The following CBLB variants were observed in gnomAD, a reference collection of about 807,000 sequenced individuals.
The protein encoded by CBLB is E3 ubiquitin-protein ligase CBL-B.
A neutral mutation model predicts 104.9 loss-of-function variants in CBLB; 31 were observed. That is an observed-to-expected ratio of 0.30 (90% confidence interval 0.22 to 0.40). The LOEUF (loss-of-function observed/expected upper bound fraction) is 0.40. Among genes scored for constraint, CBLB ranks in the 10% least tolerant of loss-of-function variants. The pLI is 1.00. For synonymous variants in CBLB, 440 were observed against 422.6 expected, an observed-to-expected ratio of 1.04 and a Z score of -0.51; for missense variants, 1,062 against 1,214.6, an observed-to-expected ratio of 0.87 and a Z score of 1.87.
At chr3:105,830,881 T>A (rs1388415096) in intron 3 of CBLB, among the ~76,000 whole-genome samples, 1 of 152,214 alleles carries the variant, frequency 6.6e-6, no homozygotes, top group South Asian at 2.1e-4. Flanking sequence ...ATTGTCCATA[T>A]AGCATGTAGT....
At chr3:105,675,330 T>A (rs1447542145) in intron 17 of CBLB, among the ~76,000 whole-genome samples, 1 of 152,196 alleles carries the variant, frequency 6.6e-6, no homozygotes, top group Admixed American at 6.5e-5. Flanking sequence ...ACTACTGAGT[T>A]AAACTTTAGC....
chr3:105,869,051 GC>G, upstream of CBLB: 1 of 1,063,816 alleles, frequency 9.4e-7, no homozygotes, highest in Non-Finnish European at 1.2e-6. Flanking sequence ...CAGGCTCGGG[GC>G]GGGGCGGGGC....
intron 11 of CBLB, among the ~76,000 whole-genome samples, chr3:105,702,978 CG>C (rs2069473562): frequency 6.6e-6 from 1 of 152,046 alleles, no homozygotes; most frequent in African/African-American, 2.4e-5. Flanking sequence ...GCTTCTTTAT[CG>C]GTTATTACCA....
intron 10 of CBLB, among the ~76,000 whole-genome samples, chr3:105,708,982 TAA>T (rs2070661697): frequency 6.6e-6 from 1 of 151,956 alleles, no homozygotes; most frequent in African/African-American, 2.4e-5. Context: ...GTAATCCCAT[TAA>T]AGTTACTGTT....
At chr3:105,861,519 C>A (rs963057216) in intron 2 of CBLB, among the ~76,000 whole-genome samples, 2 of 151,878 alleles carry the variant, frequency 1.3e-5, no homozygotes, top group African/African-American at 4.8e-5. Context: ...ATTAACCCTT[C>A]TACTTGTTCC....
chr3:105,702,197 A>G lies in CBLB; in HGVS notation c.1856T>C (p.Ile619Thr), dbSNP rs556268766. 1 of 1,614,108 alleles carries G rather than the reference A, an allele frequency of 6.2e-7. No individual in the cohort carries two copies. Among genetic ancestry groups the G allele is most frequent in the East Asian group, 2.2e-5 (1 of 44,852 alleles). ...TCCATTGACATTTGAACTCGCTGTG[A>G]TTCCAGGTTTTGGAGAGCCCTCCCC... ...LLGEGSPKPG[I>T]TASSNVNGRH... Residue 619 changes from isoleucine to threonine, a missense_variant, in exon 12 of 19, where the codon ATC becomes ACC. Physicochemically the swap from Ile to Thr is moderately conservative, Grantham distance 89 (BLOSUM62 -1). Coordinates refer to ENST00000394030, the MANE Select transcript of CBLB (RefSeq NM_170662.5).
chr3:105,671,848 A>G, intron 17 of CBLB: 1 of 193,616 alleles, frequency 5.2e-6, no homozygotes, highest in South Asian at 1.9e-4. Flanking sequence ...TGAGTTTTCA[A>G]TATTTGAAGA....
intron 9 of CBLB, among the ~76,000 whole-genome samples, chr3:105,731,722 G>C (rs1000957089): frequency 1.3e-5 from 2 of 152,070 alleles, no homozygotes; most frequent in African/African-American, 4.8e-5. Flanking sequence ...CAAAGTACTG[G>C]GATTTAAGAG....
At chr3:105,823,672 G>C (rs1460562566) in intron 3 of CBLB, among the ~76,000 whole-genome samples, 1 of 152,108 alleles carries the variant, frequency 6.6e-6, no homozygotes, top group Non-Finnish European at 1.5e-5. Context: ...CAAGGTCTGA[G>C]TCATGTACCT....
chr3:105,763,205 G>A (rs187260777), intron 4 of CBLB, among the ~76,000 whole-genome samples: 2 of 152,262 alleles, frequency 1.3e-5, no homozygotes, highest in Admixed American at 1.3e-4. Flanking sequence ...GCTCATAAGT[G>A]CAAGAGACTC....
Position 105,783,287 on chromosome 3 carries a change from A to G in CBLB, c.420-6745T>C, listed in dbSNP as rs188303311. The stretch of plus-strand genomic sequence containing the variant: ...AGACCCTGATGCATCTAATTTTTTG[A>G]AAACCTTCAATAAGTAAGTTATTTA... On this transcript the variant is annotated intron_variant, in intron 3 of 18. Transcript: ENST00000394030. Among the ~76,000 whole-genome samples, 537 of 152,308 alleles carry G rather than the reference A, an allele frequency of 3.5e-3. 1 individual carries two copies. The highest frequency in any genetic ancestry group is 5.5e-3 in the Non-Finnish European group (377 of 68,022).
At chr3:105,741,219 C>T (rs1385711154) in intron 6 of CBLB, among the ~76,000 whole-genome samples, 1 of 148,692 alleles carries the variant, frequency 6.7e-6, no homozygotes, top group Non-Finnish European at 1.5e-5. Context: ...GACGCAGTCT[C>T]ACTCTATCAC....
intron 4 of CBLB, among the ~76,000 whole-genome samples, chr3:105,761,692 G>A (rs2077648312): frequency 6.6e-6 from 1 of 152,040 alleles, no homozygotes; most frequent in Non-Finnish European, 1.5e-5. Flanking sequence ...GTCTTTTTCA[G>A]CAACATGAAA....
At position 105,828,804 on chromosome 3, in the gene CBLB, A is replaced by C. The variant is rs539340767; in HGVS notation, c.419+24610T>G. 8.5e-5 allele frequency among the ~76,000 whole-genome samples: 13 copies of C among 152,314 alleles called. No homozygotes were observed. The South Asian group carries it at 2.7e-3, about 32-fold the overall frequency. On this transcript the variant is annotated intron_variant, in intron 3 of 18. Coordinates refer to ENST00000394030, the MANE Select transcript of CBLB (RefSeq NM_170662.5). ...AAACACAACCTACTCGATTTTAACA[A>C]GAAACTGTAGGTCTAAGGAGCTCAG...
At chr3:105,744,803 A>G (rs941571834) in intron 6 of CBLB, among the ~76,000 whole-genome samples, 9 of 152,132 alleles carry the variant, frequency 5.9e-5, no homozygotes, top group Middle Eastern at 3.4e-3. Flanking sequence ...GGTGGCACAC[A>G]CCTGTAATCC....
chr3:105,718,376 C>A (rs576774041), intron 10 of CBLB, among the ~76,000 whole-genome samples: 10 of 152,218 alleles, frequency 6.6e-5, no homozygotes, highest in South Asian at 2.1e-4. Flanking sequence ...AACATATCTT[C>A]CTATGTAAAA....
At chr3:105,752,545 C>T (rs1322163871) in intron 4 of CBLB, among the ~76,000 whole-genome samples, 3 of 152,114 alleles carry the variant, frequency 2.0e-5, no homozygotes, top group Non-Finnish European at 4.4e-5. Flanking sequence ...AAAAGCCGTC[C>T]CTCTTATAAG....
chr3:105,713,150 A>AT (rs1296846741), intron 10 of CBLB, among the ~76,000 whole-genome samples: 3 of 152,084 alleles, frequency 2.0e-5, no homozygotes, highest in Middle Eastern at 3.4e-3. Context: ...AATACTTAGC[A>AT]TTTTCCATGT....
In CBLB at chr3:105,774,870, A is replaced by G. The variant is rs370610564; in HGVS notation, c.566+1526T>C. On this transcript the variant is annotated intron_variant, in intron 4 of 18. Transcript: ENST00000394030. ...AGAAATACCATAATCAATTTGTCCT[A>G]TATATTTTCTTAAAACTTTAAGAGA... Among the ~76,000 whole-genome samples the G allele has an allele frequency of 8.5e-5, 13 of 152,244 alleles. No homozygotes were observed. The East Asian group carries it at 1.5e-3, about 18-fold the overall frequency.
Sources: allele counts gnomAD v4.1 joint callset (sites outside exome capture counted in the v4.1 genomes callset), GRCh38; gene constraint gnomAD v4.1.1; transcripts MANE v1.5; gene names NCBI Gene and HGNC (gene_info 2026-07-23, HGNC 2026-07-21).